Variants in PPFIBP2 observed in about 807,000 individuals in gnomAD.
PPFIBP2 encodes the protein liprin-beta-2.
A neutral mutation model predicts 118.3 loss-of-function variants in PPFIBP2; 118 were observed. The observed-to-expected ratio is 1.00, with a 90% CI of 0.86 to 1.16. The LOEUF (loss-of-function observed/expected upper bound fraction) is 1.16, where lower values mean the gene tolerates loss of function less well. Ranked by LOEUF, PPFIBP2 falls within the 50% of genes most tolerant of loss-of-function variation. The probability of loss-of-function intolerance (pLI) is 0.00; values close to 1 mark genes in which losing one functional copy is unlikely to be tolerated. For synonymous variants in PPFIBP2, 414 were observed against 397.4 expected, an observed-to-expected ratio of 1.04 and a Z score of -0.50; for missense variants, 1,195 against 1,073.1, an observed-to-expected ratio of 1.11 and a Z score of -1.59.
intron 3 of PPFIBP2, among the ~76,000 whole-genome samples, chr11:7,571,397 A>G (rs529480527): frequency 2.0e-5 from 3 of 148,154 alleles, no homozygotes; most frequent in East Asian, 3.9e-4. Flanking sequence ...TCTGTTTACC[A>G]TATTGAAAAG....
At chr11:7,571,438 G>A (rs1454859251) in intron 3 of PPFIBP2, among the ~76,000 whole-genome samples, 2 of 152,138 alleles carry the variant, frequency 1.3e-5, no homozygotes, top group African/African-American at 2.4e-5. Context: ...AAAGTGGAGA[G>A]AAAAAGCTGT....
rs1854329460 is a variant in PPFIBP2 at position 7,561,822 on chromosome 11, T to C, written c.65-3731T>C. Among the ~76,000 whole-genome samples the C allele has an allele frequency of 1.3e-5, 2 of 152,166 alleles. 1 individual carries two copies. Among genetic ancestry groups the C allele is most frequent in the Admixed American group, 1.3e-4 (2 of 15,274 alleles). ...ATTCAGGAGCGGTTTAGTTGGGTGG[T>C]TCTGGCTTAGGTCTCTTAAAGAGTT... On this transcript the variant is annotated intron_variant, in intron 2 of 23. Coordinates refer to ENST00000299492, the MANE Select transcript of PPFIBP2 (RefSeq NM_003621.5).
At chr11:7,516,970 C>A (rs533122446) in intron 1 of PPFIBP2, among the ~76,000 whole-genome samples, 37 of 152,164 alleles carry the variant, frequency 2.4e-4, no homozygotes, top group African/African-American at 8.2e-4. Flanking sequence ...CTACTTCAGG[C>A]GTGACTTAGG....
intron 5 of PPFIBP2, among the ~76,000 whole-genome samples, chr11:7,609,099 G>A (rs1438326217): frequency 6.6e-6 from 1 of 152,218 alleles, no homozygotes; most frequent in African/African-American, 2.4e-5. Context: ...CAGGTAGGCT[G>A]TTGCCCAGCC....
intron 3 of PPFIBP2, among the ~76,000 whole-genome samples, chr11:7,568,623 G>A (rs1048647477): frequency 1.3e-5 from 2 of 152,196 alleles, no homozygotes; most frequent in Admixed American, 6.5e-5. Context: ...GGTGGCCTCT[G>A]TCAGAAAAGA....
At position 7,597,546 on chromosome 11, in the gene PPFIBP2, A is replaced by G. The variant is rs771913237; in HGVS notation, c.373-14A>G. The G allele has an allele frequency of 9.3e-6, 15 of 1,610,322 alleles. No individual in the cohort carries two copies. The highest frequency in any genetic ancestry group is 1.3e-5 in the Non-Finnish European group (15 of 1,177,468). On this transcript the variant is annotated splice_polypyrimidine_tract_variant and intron_variant, in intron 4 of 23. Transcript: ENST00000299492. ...ATCCCTGGTCCTCCACCATTGCTTTATTTCCTGGAACAGGTGAGTGTCCTC... is the reference window on the plus strand; with the variant it reads ...ATCCCTGGTCCTCCACCATTGCTTTGTTTCCTGGAACAGGTGAGTGTCCTC...
chr11:7,651,397 G>C, intron 22 of PPFIBP2: 1 of 435,190 alleles, frequency 2.3e-6, no homozygotes, highest in Non-Finnish European at 4.1e-6. Flanking sequence ...AGAAGATCCT[G>C]AGAGACAGCC....
At chr11:7,529,952 T>A (rs1850552237) in intron 1 of PPFIBP2, among the ~76,000 whole-genome samples, 1 of 152,238 alleles carries the variant, frequency 6.6e-6, no homozygotes, top group South Asian at 2.1e-4. Context: ...GGAGCATGTG[T>A]GCTGTTTGAG....
In PPFIBP2 at chr11:7,609,137, A is replaced by G. The variant is rs186865804; in HGVS notation, c.487-1154A>G. Among the ~76,000 whole-genome samples, 5 of 152,326 alleles carry G rather than the reference A, an allele frequency of 3.3e-5. No individual in the cohort carries two copies. The East Asian group carries it at 9.6e-4, about 29-fold the overall frequency. ...TTGGCCTGGGGAATCATGTATTCCAAGTCAAAAATTTCTGTCCCGTGTGGT... is the reference window on the plus strand; with the variant it reads ...TTGGCCTGGGGAATCATGTATTCCAGGTCAAAAATTTCTGTCCCGTGTGGT... On this transcript the variant is annotated intron_variant, in intron 5 of 23. Transcript: ENST00000299492.
At chr11:7,553,233 T>TC (rs1254922629) in intron 2 of PPFIBP2, among the ~76,000 whole-genome samples, 1 of 152,038 alleles carries the variant, frequency 6.6e-6, no homozygotes, top group Non-Finnish European at 1.5e-5. Flanking sequence ...ATTATTATTT[T>TC]TTTTGAAGAC....
chr11:7,640,805 A>G (rs1565108182), intron 15 of PPFIBP2, among the ~76,000 whole-genome samples: 1 of 152,080 alleles, frequency 6.6e-6, no homozygotes, highest in Non-Finnish European at 1.5e-5. Flanking sequence ...GCCTGTCACA[A>G]AGGGGCCCCA....
chr11:7,608,645 AAAC>A (rs907748530), intron 5 of PPFIBP2, among the ~76,000 whole-genome samples: 4 of 125,592 alleles, frequency 3.2e-5, no homozygotes, highest in African/African-American at 8.7e-5. Context: ...TGTCTCAAAA[AAAC>A]AAACAAACAA....
rs1380614612 is a variant in PPFIBP2 at position 7,610,370 on chromosome 11, T to C, written c.566T>C (p.Val189Ala). 1.2e-6 allele frequency: 2 copies of C among 1,614,030 alleles called. No individual in the cohort carries two copies. Among genetic ancestry groups the C allele is most frequent in the Admixed American group, 1.7e-5 (1 of 60,006 alleles). ...GTGTCTGAGCTGAAGCTCAAGCTGG[T>C]TGGCATGGAGAAGGAGCAGAGAGAG... ...TEVSELKLKLVGMEKEQREQE... is the reference protein window; with the variant it reads ...TEVSELKLKLAGMEKEQREQE... Residue 189 changes from valine to alanine, a missense_variant, in exon 6 of 24, where the codon GTT (valine) becomes GCT (alanine). Val to Ala is a moderately conservative substitution (Grantham distance 64). Coordinates refer to ENST00000299492, the MANE Select transcript of PPFIBP2 (RefSeq NM_003621.5).
chr11:7,661,935 T>G (rs1295398804), downstream of PPFIBP2, among the ~76,000 whole-genome samples: 3 of 129,710 alleles, frequency 2.3e-5, no homozygotes, highest in African/African-American at 8.6e-5. Context: ...CTTTGTTGGT[T>G]TAAAGTCTGT....
At chr11:7,599,569 C>G (rs1861019644) in intron 5 of PPFIBP2, among the ~76,000 whole-genome samples, 1 of 152,030 alleles carries the variant, frequency 6.6e-6, no homozygotes, top group East Asian at 1.9e-4. Context: ...CTGTCTAGTT[C>G]CTCTAAACAT....
At chr11:7,593,265 C>A in intron 4 of PPFIBP2, 41 bp downstream of exon 4, 2 of 1,604,640 alleles carry the variant, frequency 1.2e-6, no homozygotes, top group Non-Finnish European at 1.7e-6. Flanking sequence ...CCTGTTACCT[C>A]CTACTATGTA....
rs577682400 is a variant in PPFIBP2 at position 7,587,132 on chromosome 11, A to T, written c.280-6000A>T. 4.6e-5 allele frequency among the ~76,000 whole-genome samples: 7 copies of T among 152,204 alleles called. No individual in the cohort carries two copies. In the East Asian group the frequency reaches 1.3e-3, roughly 29 times the overall value. ...CCCTGTCTTAACCTTTTTGCTCTAC[A>T]TGGGAAATAAGAATGGAAGCAAACA... On this transcript the variant is annotated intron_variant, in intron 3 of 23. Coordinates refer to ENST00000299492, the MANE Select transcript of PPFIBP2 (RefSeq NM_003621.5).
chr11:7,531,256 G>A (rs1201543392), intron 1 of PPFIBP2, among the ~76,000 whole-genome samples: 1 of 152,198 alleles, frequency 6.6e-6, no homozygotes, highest in Non-Finnish European at 1.5e-5. Context: ...TCTTGTGACT[G>A]GCAAGCCAAG....
chr11:7,663,441 C>T, the PPFIBP2 span, among the ~76,000 whole-genome samples: 1 of 151,990 alleles, frequency 6.6e-6, no homozygotes, highest in Middle Eastern at 3.2e-3. Flanking sequence ...CTGGGGGGTG[C>T]CTCCCAGTTA....
Sources: allele counts gnomAD v4.1 joint callset (sites outside exome capture counted in the v4.1 genomes callset), GRCh38; gene constraint gnomAD v4.1.1; transcripts MANE v1.5; gene names NCBI Gene and HGNC (gene_info 2026-07-23, HGNC 2026-07-21).